The following BACE2 variants were observed in gnomAD, a reference collection of about 807,000 sequenced individuals.
BACE2 encodes beta-secretase 2, also known as 56 kDa aspartic-like protease.
A neutral mutation model predicts 46.2 loss-of-function variants in BACE2; 17 were observed. The ratio of observed to expected loss-of-function variants is 0.37; its 90% CI spans 0.25 to 0.55. The LOEUF is 0.55. Ranked by LOEUF, BACE2 falls within the 20% of genes least tolerant of loss-of-function variation. BACE2 has a pLI of 0.82. For missense variants in BACE2, 595 were observed against 698.1 expected, an observed-to-expected ratio of 0.85 and a Z score of 1.66; for synonymous variants, 277 against 295.9, an observed-to-expected ratio of 0.94 and a Z score of 0.66.
intron 2 of BACE2, among the ~76,000 whole-genome samples, chr21:41,233,443 T>C (rs1987023723): frequency 1.3e-5 from 2 of 152,212 alleles, no homozygotes; most frequent in African/African-American, 4.8e-5. Context: ...CAGCTGCCTC[T>C]GCTGTCTCTG....
At chr21:41,207,524 C>G (rs1029002542) in intron 1 of BACE2, among the ~76,000 whole-genome samples, 3 of 152,154 alleles carry the variant, frequency 2.0e-5, no homozygotes, top group Admixed American at 6.5e-5. Context: ...TGTGTAACCT[C>G]AGAGGCTTCC....
At chr21:41,204,183 ATTTTTG>A (rs1478257191) in intron 1 of BACE2, among the ~76,000 whole-genome samples, 1 of 152,076 alleles carries the variant, frequency 6.6e-6, no homozygotes, top group Non-Finnish European at 1.5e-5. Flanking sequence ...TGCCCGGCTA[ATTTTTG>A]TTTTTGTTTT....
chr21:41,226,237 A>G (rs370446164), intron 1 of BACE2, 29 bp from the exon 2 acceptor site: 1 of 1,393,728 alleles, frequency 7.2e-7, no homozygotes, highest in Non-Finnish European at 9.8e-7. Flanking sequence ...GATGCTTTCT[A>G]TTTTTTTTTT....
At chr21:41,214,167 G>A (rs1986383914) in intron 1 of BACE2, among the ~76,000 whole-genome samples, 1 of 152,264 alleles carries the variant, frequency 6.6e-6, no homozygotes, top group African/African-American at 2.4e-5. Flanking sequence ...GAGATCTGGG[G>A]AGAGGAACCC....
At chr21:41,210,551 C>G (rs903469821) in intron 1 of BACE2, among the ~76,000 whole-genome samples, 2 of 152,152 alleles carry the variant, frequency 1.3e-5, no homozygotes. Flanking sequence ...GCCCGGAGAT[C>G]AGCCAGATTC....
At chr21:41,181,287 C>T (rs1985111877) in intron 1 of BACE2, 2 of 167,040 alleles carry the variant, frequency 1.2e-5, no homozygotes, top group Admixed American at 6.5e-5. Context: ...ACTAGGGCAC[C>T]AAGAGAAGCC....
intron 8 of BACE2, among the ~76,000 whole-genome samples, chr21:41,272,736 C>A (rs58867243): frequency 0.11 from 17,202 of 152,064 alleles, 974 homozygotes; most frequent in African/African-American, 0.12. Flanking sequence ...TGATATCCTG[C>A]CTGCTAATTC....
At chr21:41,258,244 C>T (rs1987842576) in intron 8 of BACE2, among the ~76,000 whole-genome samples, 1 of 151,914 alleles carries the variant, frequency 6.6e-6, no homozygotes, top group Admixed American at 6.6e-5. Context: ...AGTGTGAGGT[C>T]AAAAAAGAAT....
intron 1 of BACE2, among the ~76,000 whole-genome samples, chr21:41,170,126 G>A (rs982086193): frequency 2.6e-5 from 4 of 151,618 alleles, no homozygotes; most frequent in Admixed American, 2.0e-4. Flanking sequence ...TGAGGGCTAT[G>A]ATAAAAGAAG....
chr21:41,234,174 A>G (rs1478377949), intron 2 of BACE2, among the ~76,000 whole-genome samples: 1 of 152,062 alleles, frequency 6.6e-6, no homozygotes, highest in African/African-American at 2.4e-5. Context: ...ATAAGGGGAA[A>G]TCCCTTTCAC....
chr21:41,242,477 G>A lies in BACE2; in HGVS notation c.747+530G>A, dbSNP rs369169384. On this transcript the variant is annotated intron_variant, in intron 4 of 8. Transcript: ENST00000330333. ...TCCCTCCAGGGGCCGGCACCCAGAC[G>A]TCAAAAGTAGTAGGGGACAGGAAGA... is the stretch of plus-strand genomic sequence containing the variant. 2.0e-5 allele frequency among the ~76,000 whole-genome samples: 3 copies of A among 152,108 alleles called. No individual in the cohort carries two copies. The East Asian group carries it at 5.8e-4, about 29-fold the overall frequency.
chr21:41,181,030 A>G (rs957178997), intron 1 of BACE2: 4 of 167,058 alleles, frequency 2.4e-5, no homozygotes, highest in African/African-American at 9.7e-5. Flanking sequence ...TGCTAGTCCT[A>G]TTGCCACCCT....
intron 6 of BACE2, among the ~76,000 whole-genome samples, chr21:41,249,354 G>C (rs1307680403): frequency 6.7e-6 from 1 of 149,394 alleles, no homozygotes; most frequent in Non-Finnish European, 1.5e-5. Flanking sequence ...TGGCCTCAGG[G>C]GACTCAGAAC....
chr21:41,218,523 G>C (rs1198031788), intron 1 of BACE2, among the ~76,000 whole-genome samples: 2 of 152,188 alleles, frequency 1.3e-5, no homozygotes, highest in Non-Finnish European at 2.9e-5. Flanking sequence ...TGGTAGGAAG[G>C]AGAGAACCTC....
At chr21:41,199,360 G>C (rs574614355) in intron 1 of BACE2, among the ~76,000 whole-genome samples, 1 of 152,050 alleles carries the variant, frequency 6.6e-6, no homozygotes, top group East Asian at 2.0e-4. Context: ...GGAGGGGAAG[G>C]CTGGCGAGGA....
At chr21:41,230,043 T>G (rs544418513) in intron 2 of BACE2, 6 of 152,256 alleles carry the variant, frequency 3.9e-5, no homozygotes, top group Non-Finnish European at 7.3e-5. Flanking sequence ...CCATTCAAAT[T>G]CAGTGTACCT....
intron 1 of BACE2, chr21:41,184,335 T>C (rs73902946): frequency 6.0e-6 from 1 of 166,906 alleles, no homozygotes. Context: ...TTTCCTCTAC[T>C]TTTTTTTCCC....
intron 1 of BACE2, chr21:41,186,494 T>C (rs1457371878): frequency 6.6e-6 from 1 of 152,570 alleles, no homozygotes; most frequent in Non-Finnish European, 1.5e-5. Flanking sequence ...TCTTGCCAAC[T>C]GCTGTCTCTT....
intron 8 of BACE2, among the ~76,000 whole-genome samples, chr21:41,270,123 T>G (rs953243978): frequency 3.3e-5 from 5 of 152,254 alleles, no homozygotes; most frequent in African/African-American, 1.2e-4. Flanking sequence ...TTTTTTGCCA[T>G]TCATGCATCT....
Sources: allele counts gnomAD v4.1 joint callset (sites outside exome capture counted in the v4.1 genomes callset), GRCh38; gene constraint gnomAD v4.1.1; transcripts MANE v1.5; gene names NCBI Gene and HGNC (gene_info 2026-07-23, HGNC 2026-07-21).